BFSP1: variants seen among roughly 807,000 people sequenced by gnomAD.
BFSP1 encodes beaded filament structural protein 1.
BFSP1 carries 38 observed loss-of-function variants against 43.9 expected under a neutral mutation model. That is an observed-to-expected ratio of 0.87 (90% CI 0.67 to 1.14). The LOEUF (loss-of-function observed/expected upper bound fraction) is 1.14, where lower values mean the gene tolerates loss of function less well. BFSP1 is among the 50% of genes most tolerant of loss of function. The probability of loss-of-function intolerance (pLI) is 0.00; values close to 1 mark genes in which losing one functional copy is unlikely to be tolerated. For synonymous variants in BFSP1, 352 were observed against 354.8 expected (o/e 0.99, Z 0.09); for missense variants, 850 against 875.1 (o/e 0.97, Z 0.36).
Position 17,501,556 on chromosome 20 carries a change from T to G in BFSP1, c.736-2516A>C, listed in dbSNP as rs1253689751. Among the ~76,000 whole-genome samples the G allele has an allele frequency of 7.3e-5, 10 of 137,338 alleles. No homozygotes were observed. In the East Asian group the frequency reaches 2.1e-3, roughly 29 times the overall value. The allele number at this position is 137,338 out of a possible 152,430, so 90.1% of individuals were successfully genotyped here. A position where few individuals can be genotyped will look rare whatever the true frequency, so the allele number is the denominator to read the frequency against. ...GGGTGACAGAGCACCCCAGACTGGG[T>G]GACAGAGCACCCCAGACTGGGTGAC... On this transcript the variant is annotated intron_variant, in intron 5 of 7. Transcript: ENST00000377873.
chr20:17,563,572 C>T (rs2035087703), upstream of BFSP1, among the ~76,000 whole-genome samples: 1 of 151,884 alleles, frequency 6.6e-6, no homozygotes, highest in Non-Finnish European at 1.5e-5. Flanking sequence ...AACTTCTGAC[C>T]TCAGGTGATC....
intron 6 of BFSP1, 31 bp downstream of exon 6, chr20:17,498,789 A>T: frequency 6.2e-7 from 1 of 1,603,072 alleles, no homozygotes; most frequent in Non-Finnish European, 8.5e-7. Context: ...GGAAGGAATA[A>T]GTGGCCTGGA....
Position 17,497,009 on chromosome 20 carries a change from A to G in BFSP1, c.971T>C (p.Phe324Ser), listed in dbSNP as rs765553437. 11 of 1,540,674 alleles carry G rather than the reference A, an allele frequency of 7.1e-6. No individual in the cohort carries two copies. Among genetic ancestry groups the G allele is most frequent in the Non-Finnish European group, 9.6e-6 (11 of 1,143,952 alleles). ...GAACAGGGGAATGGGAGTTTCAATGAAGGCAGAGGTCAGCCTGGCAGAAAG... is the reference window on the plus strand; with the variant it reads ...GAACAGGGGAATGGGAGTTTCAATGGAGGCAGAGGTCAGCCTGGCAGAAAG... The part of the protein sequence containing the change: ...EIEGNRLTSA[F>S]IETPIPLFTQ... The change falls in exon 7 of 8, where the codon TTC becomes TCC. Residue 324 changes from phenylalanine to serine, a missense_variant. Coordinates refer to ENST00000377873, the MANE Select transcript of BFSP1 (RefSeq NM_001195.5).
chr20:17,496,008 C>T (rs996994423), intron 7 of BFSP1, among the ~76,000 whole-genome samples: 16 of 152,110 alleles, frequency 1.1e-4, no homozygotes, highest in African/African-American at 2.7e-4. Flanking sequence ...AACTGGTATG[C>T]GAGGAGGAGG....
At chr20:17,559,405 G>A (rs1293798616), upstream of BFSP1, among the ~76,000 whole-genome samples, 1 of 152,174 alleles carries the variant, frequency 6.6e-6, no homozygotes, top group Non-Finnish European at 1.5e-5. Flanking sequence ...TCTCTTCTGT[G>A]GAGTGCAAGC....
In BFSP1 at chr20:17,531,288, C is replaced by T; in HGVS notation, c.42G>A (p.Gln14=). Residue 14 remains glutamine, a synonymous_variant, in exon 1 of 8, where the codon CAG becomes CAA. Transcript: ENST00000377873. The part of the protein sequence containing the change: ...RSYVFQTRKE[Q]YEHADEASRA... ...GCGAAGCCTCGTCGGCGTGCTCGTA[C>T]TGCTCCTTGCGGGTCTGGAAGACGT... 6.8e-7 allele frequency: 1 copy of T among 1,473,898 alleles called. No homozygotes were observed. The highest frequency in any genetic ancestry group is 8.9e-7 in the Non-Finnish European group (1 of 1,118,406). 91.3% of individuals were successfully genotyped at this position (1,473,898 alleles called of 1,614,324 possible). A position where few individuals can be genotyped will look rare whatever the true frequency, so the allele number is the denominator to read the frequency against.
chr20:17,533,339 C>T (rs2034579119), upstream of BFSP1, among the ~76,000 whole-genome samples: 1 of 152,080 alleles, frequency 6.6e-6, no homozygotes, highest in Non-Finnish European at 1.5e-5. Flanking sequence ...AGAGCAAAAC[C>T]AACATATAGC....
chr20:17,516,262 G>A (rs1447189252), intron 2 of BFSP1, among the ~76,000 whole-genome samples: 1 of 152,200 alleles, frequency 6.6e-6, no homozygotes, highest in Admixed American at 6.5e-5. Context: ...GGGAGGCAGA[G>A]GTTGCAGTGA....
chr20:17,503,736 C>G (rs181957671), intron 5 of BFSP1, among the ~76,000 whole-genome samples: 1 of 152,190 alleles, frequency 6.6e-6, no homozygotes, highest in Non-Finnish European at 1.5e-5. Flanking sequence ...CACACACGTG[C>G]GTGCACACAC....
At position 17,494,842 on chromosome 20, in the gene BFSP1, A is replaced by T; in HGVS notation, c.1230T>A (p.Ser410=). 1.2e-6 allele frequency: 2 copies of T among 1,614,164 alleles called. No homozygotes were observed. Among genetic ancestry groups the T allele is most frequent in the South Asian group, 2.2e-5 (2 of 91,082 alleles). ...CTTCTTTACTTTCTGATTCAAACTTAGATTCACTTTCCTCTTTAAGTACCA... is the reference window on the plus strand; with the variant it reads ...CTTCTTTACTTTCTGATTCAAACTTTGATTCACTTTCCTCTTTAAGTACCA... ...VQVVLKEESE[S]KFESESKEVS... The change falls in exon 8 of 8, where the codon TCT becomes TCA. Residue 410 remains serine, a synonymous_variant. Transcript: ENST00000377873.
At position 17,494,537 on chromosome 20, in the gene BFSP1, G is replaced by C; in HGVS notation, c.1535C>G (p.Pro512Arg). Reference sequence around the variant, plus strand: ...AGGGGGCTTGGGTGACTCAGGAGAGGGCTCCACCTGGCCGTCATAAAGCAC... The same window carrying C: ...AGGGGGCTTGGGTGACTCAGGAGAGCGCTCCACCTGGCCGTCATAAAGCAC... ...DSVLYDGQVE[P>R]SPESPKPPLE... Residue 512 changes from proline to arginine, a missense_variant, in exon 8 of 8, where the codon CCC (proline) becomes CGC (arginine). Physicochemically the swap from Pro to Arg is moderately radical, Grantham distance 103 (BLOSUM62 -2). Coordinates refer to ENST00000377873, the MANE Select transcript of BFSP1 (RefSeq NM_001195.5). 1 of 1,614,172 alleles carries C rather than the reference G, an allele frequency of 6.2e-7. No individual in the cohort carries two copies. The highest frequency in any genetic ancestry group is 8.5e-7 in the Non-Finnish European group (1 of 1,180,038).
chr20:17,540,331 C>T (rs1367122713), intron 1 of BFSP1, among the ~76,000 whole-genome samples: 2 of 152,132 alleles, frequency 1.3e-5, no homozygotes, highest in Admixed American at 1.3e-4. Flanking sequence ...ACCCAGCATA[C>T]ATCATCCTTT....
In BFSP1 at chr20:17,531,192, C is replaced by T. The variant is rs923937893; in HGVS notation, c.138G>A (p.Gly46=). Residue 46 remains glycine (G), a synonymous_variant, in exon 1 of 8, where the codon GGG becomes GGA. Transcript: ENST00000377873. ...AGATSLAALQ[G]LGERVAAHVQ... ...CGTGGGCGGCCACGCGCTCGCCGAG[C>T]CCCTGCAGCGCCGCCAGGCTCGTTG... is the stretch of plus-strand genomic sequence containing the variant. 8 of 1,305,254 alleles carry T rather than the reference C, an allele frequency of 6.1e-6. No individual in the cohort carries two copies. The highest frequency in any genetic ancestry group is 2.9e-4 in the Middle Eastern group (1 of 3,482). 80.9% of individuals were successfully genotyped at this position (1,305,254 alleles called of 1,614,324 possible). A position where few individuals can be genotyped will look rare whatever the true frequency, so the allele number is the denominator to read the frequency against.
chr20:17,510,349 T>G (rs963077995), intron 4 of BFSP1, among the ~76,000 whole-genome samples: 7 of 152,250 alleles, frequency 4.6e-5, no homozygotes, highest in Admixed American at 2.0e-4. Context: ...TATGCTCGGA[T>G]GTAAAACACC....
chr20:17,559,123 T>C (rs2035042524), upstream of BFSP1, among the ~76,000 whole-genome samples: 1 of 152,158 alleles, frequency 6.6e-6, no homozygotes, highest in African/African-American at 2.4e-5. Flanking sequence ...AAGCTAATGC[T>C]GTTTGATCTC....
intron 3 of BFSP1, among the ~76,000 whole-genome samples, chr20:17,512,691 G>C (rs944193063): frequency 6.6e-6 from 1 of 152,162 alleles, no homozygotes; most frequent in Non-Finnish European, 1.5e-5. Context: ...CTGTACTCCA[G>C]CCTGAGTGAT....
Position 17,514,706 on chromosome 20 carries a change from AG to A in BFSP1, c.534+14del. On this transcript the variant is annotated intron_variant, in intron 3 of 7. Coordinates refer to ENST00000377873, the MANE Select transcript of BFSP1 (RefSeq NM_001195.5). ...TGGGTTTTCTAGAGGAAGGGCTTCA[AG>A]GGGTCATGATTACCTTCTTGTGCCT... 6.2e-7 allele frequency: 1 copy of A among 1,612,372 alleles called. No homozygotes were observed. The highest frequency in any genetic ancestry group is 8.5e-7 in the Non-Finnish European group (1 of 1,178,568).
intron 2 of BFSP1, among the ~76,000 whole-genome samples, chr20:17,515,250 A>G (rs1306223005): frequency 6.6e-6 from 1 of 152,218 alleles, no homozygotes; most frequent in African/African-American, 2.4e-5. Context: ...TTGATCTAGA[A>G]AGATCGGAGC....
rs6080718 is a variant in BFSP1, at chr20:17,494,323, T to C, written c.1749A>G (p.Pro583=). 1,161,294 of 1,614,018 alleles carry C rather than the reference T, an allele frequency of 0.72. 418,907 individuals carry two copies. Among genetic ancestry groups the C allele is most frequent in the Admixed American group, 0.79 (47,691 of 60,008 alleles). The stretch of plus-strand genomic sequence containing the variant: ...CAGGCTTTGGAGGCTCAGGTATAGA[T>C]GGTTCCTCTGCACCGGGTGTGACCA... ...CAMVTPGAEE[P]SIPEPPKPAA... is the part of the protein sequence containing the mutation. The change falls in exon 8 of 8, where the codon CCA becomes CCG. Residue 583 remains proline, a synonymous_variant. Transcript: ENST00000377873.
Sources: gnomAD v4.1 joint callset for allele counts (sites outside exome capture counted in the v4.1 genomes callset) on GRCh38, gnomAD v4.1.1 for gene constraint, MANE v1.5 for transcripts, NCBI Gene and HGNC (gene_info 2026-07-23, HGNC 2026-07-21) for gene names.